NANS: variants seen among roughly 807,000 people sequenced by gnomAD.
NANS encodes the protein N-acetylneuraminate synthase.
A neutral mutation model predicts 33.3 loss-of-function variants in NANS; 29 were observed. The ratio of observed to expected loss-of-function variants is 0.87; its 90% CI spans 0.65 to 1.19. NANS has a LOEUF of 1.19. Ranked by LOEUF, NANS falls within the 50% of genes most tolerant of loss-of-function variation. The pLI is 0.00. For synonymous variants in NANS, 163 were observed against 177.2 expected (o/e 0.92, Z 0.64); for missense variants, 394 against 461.1 (o/e 0.85, Z 1.33).
chr9:98,071,361 C>G (rs1001645251), intron 2 of NANS, among the ~76,000 whole-genome samples: 2 of 152,220 alleles, frequency 1.3e-5, no homozygotes, highest in Non-Finnish European at 2.9e-5. Context: ...ACTCTAGGGT[C>G]AGATTTTAAG....
chr9:98,076,325 C>T (rs1260806185), intron 2 of NANS: 1 of 152,258 alleles, frequency 6.6e-6, no homozygotes, highest in African/African-American at 2.4e-5. Flanking sequence ...TTCATTTGGC[C>T]TTGGGCCCCT....
intron 2 of NANS, among the ~76,000 whole-genome samples, chr9:98,061,633 AGCTGG>A (rs978629654): frequency 6.7e-6 from 1 of 150,194 alleles, no homozygotes; most frequent in Non-Finnish European, 1.5e-5. Context: ...ACAAAAAATT[AGCTGG>A]GCGTGGTGGC....
intron 3 of NANS, 112 bp downstream of exon 3, chr9:98,077,129 TTTTCATTTTTTTAAA>T (rs1457827472): frequency 1.3e-6 from 1 of 783,316 alleles, no homozygotes; most frequent in Non-Finnish European, 2.0e-6. Context: ...TTTTAGCCTC[TTTTCATTTTTTTAAA>T]TAGAGATAGG....
chr9:98,081,318 T>C (rs1426417826), intron 5 of NANS: 3 of 573,914 alleles, frequency 5.2e-6, no homozygotes, highest in Admixed American at 6.4e-5. Context: ...TCTGGCCACC[T>C]AGGGTCACAT....
chr9:98,080,019 G>C (rs1216211337), intron 4 of NANS, among the ~76,000 whole-genome samples: 1 of 152,170 alleles, frequency 6.6e-6, no homozygotes, highest in Non-Finnish European at 1.5e-5. Context: ...CTTGAGACCA[G>C]CCTGGCCAAT....
At chr9:98,076,775 A>G in intron 2 of NANS, 143 bp from the exon 3 acceptor site, 1 of 648,026 alleles carries the variant, frequency 1.5e-6, no homozygotes, top group Non-Finnish European at 2.7e-6. Context: ...CTGAGAACAA[A>G]TCTTTGCCTG....
chr9:98,070,382 T>C (rs1829287121), intron 2 of NANS, among the ~76,000 whole-genome samples: 1 of 152,106 alleles, frequency 6.6e-6, no homozygotes, highest in Non-Finnish European at 1.5e-5. Context: ...CCTCCCAAAG[T>C]GCTGGGATTG....
At chr9:98,081,373 C>T (rs1347073004) in intron 5 of NANS, 6 of 417,592 alleles carry the variant, frequency 1.4e-5, no homozygotes, top group African/African-American at 1.0e-4. Context: ...CCCAGTACTC[C>T]TAGACTCCAG....
In NANS at chr9:98,076,777, C is replaced by T. The variant is rs1053528810; in HGVS notation, c.349-141C>T. On this transcript the variant is annotated intron_variant, in intron 2 of 5. Coordinates refer to ENST00000210444, the MANE Select transcript of NANS (RefSeq NM_018946.4). ...TTGAATGAAATGACTGAGAACAAAT[C>T]TTTGCCTGCTTTCAAGTTGCTGAGC... is the stretch of plus-strand genomic sequence containing the variant. 6 of 647,162 alleles carry T rather than the reference C, an allele frequency of 9.3e-6. No individual in the cohort carries two copies. The African/African-American group carries it at 9.4e-5, about 10-fold the overall frequency. 40.1% of individuals were successfully genotyped at this position (647,162 alleles called of 1,614,324 possible).
At chr9:98,075,695 TCAAAA>T (rs1235686462) in intron 2 of NANS, 3 of 152,130 alleles carry the variant, frequency 2.0e-5, no homozygotes, top group African/African-American at 7.2e-5. Flanking sequence ...ATTTCCAACT[TCAAAA>T]CAAAACAAAG....
At chr9:98,080,156 G>A (rs1396784713) in intron 4 of NANS, among the ~76,000 whole-genome samples, 1 of 152,258 alleles carries the variant, frequency 6.6e-6, no homozygotes, top group Non-Finnish European at 1.5e-5. Flanking sequence ...AGAGGTTGCA[G>A]TGAGCTGAGA....
Position 98,076,914 on chromosome 9 carries a change from G to A in NANS, c.349-4G>A. 6.2e-7 allele frequency: 1 copy of A among 1,607,302 alleles called. No homozygotes were observed. The stretch of plus-strand genomic sequence containing the variant: ...AAAAGGAGCTCCCTCTTTGATTTTT[G>A]TAGATGGCAGTTGAATTCCTGCATG... On this transcript the variant is annotated splice_polypyrimidine_tract_variant and splice_region_variant and intron_variant, in intron 2 of 5. Coordinates refer to ENST00000210444, the MANE Select transcript of NANS (RefSeq NM_018946.4).
At chr9:98,061,019 C>T in intron 2 of NANS, 22 bp downstream of exon 2, 2 of 1,610,212 alleles carry the variant, frequency 1.2e-6, no homozygotes, top group South Asian at 1.1e-5. Context: ...GCTGCTCTGT[C>T]ATTTGTCACT....
Position 98,076,953 on chromosome 9 carries a change from A to G in NANS, c.384A>G (p.Pro128=). ...AVEFLHELNV[P]FFKVGSGDTN... The stretch of plus-strand genomic sequence containing the variant: ...AATTCCTGCATGAACTGAATGTTCC[A>G]TTTTTCAAAGTTGGATCTGGAGACA... Residue 128 remains proline, a synonymous_variant, in exon 3 of 6, where the codon CCA becomes CCG. Transcript: ENST00000210444. 1.2e-6 allele frequency: 2 copies of G among 1,612,472 alleles called. No homozygotes were observed. Among genetic ancestry groups the G allele is most frequent in the Non-Finnish European group, 1.7e-6 (2 of 1,179,568 alleles).
At chr9:98,078,168 A>G (rs1829675118) in intron 3 of NANS, 25 bp from the exon 4 acceptor site, 1 of 1,613,998 alleles carries the variant, frequency 6.2e-7, no homozygotes, top group Non-Finnish European at 8.5e-7. Flanking sequence ...GAAAGTGCTG[A>G]TGGTGTTGGT....
chr9:98,080,732 G>T, intron 4 of NANS, 84 bp from the exon 5 acceptor site: 1 of 1,462,822 alleles, frequency 6.8e-7, no homozygotes, highest in Non-Finnish European at 9.1e-7. Context: ...GGCTAAACCG[G>T]GGCTCAACCA....
At chr9:98,081,664 C>T (rs572329317) in intron 5 of NANS, 173 of 152,686 alleles carry the variant, frequency 1.1e-3, no homozygotes, top group Non-Finnish European at 1.9e-3. Context: ...TCCTGGAAGC[C>T]GTGGCCTGGA....
intron 2 of NANS, among the ~76,000 whole-genome samples, chr9:98,066,705 C>T (rs1829159376): frequency 6.6e-6 from 1 of 150,986 alleles, no homozygotes; most frequent in Non-Finnish European, 1.5e-5. Context: ...GGCTGGAGTG[C>T]AGTGGTAGGA....
At chr9:98,076,810 T>A in intron 2 of NANS, 108 bp from the exon 3 acceptor site, 1 of 824,916 alleles carries the variant, frequency 1.2e-6, no homozygotes, top group Non-Finnish European at 2.0e-6. Context: ...AGCGTCCCTC[T>A]ACTGCCTAAG....
Sources: gnomAD v4.1 joint callset for allele counts (sites outside exome capture counted in the v4.1 genomes callset) on GRCh38, gnomAD v4.1.1 for gene constraint, MANE v1.5 for transcripts, NCBI Gene and HGNC (gene_info 2026-07-23, HGNC 2026-07-21) for gene names.